Variants in WDR7 observed in about 807,000 individuals in gnomAD.
The protein encoded by WDR7 is WD repeat domain 7.
Under a neutral mutation model 169.4 loss-of-function variants are expected in WDR7, and 46 were observed. The ratio of observed to expected loss-of-function variants is 0.27; its 90% CI spans 0.21 to 0.35. The LOEUF (loss-of-function observed/expected upper bound fraction) is 0.35, where lower values mean the gene tolerates loss of function less well. WDR7 is among the 10% of genes least tolerant of loss of function. The pLI is 1.00. For synonymous variants in WDR7, 612 were observed against 666.8 expected, an observed-to-expected ratio of 0.92 and a Z score of 1.27; for missense variants, 1,534 against 1,859.3, an observed-to-expected ratio of 0.83 and a Z score of 3.22.
At chr18:56,767,258 C>T (rs967247517) in intron 16 of WDR7, among the ~76,000 whole-genome samples, 3 of 152,188 alleles carry the variant, frequency 2.0e-5, no homozygotes, top group Non-Finnish European at 4.4e-5. Context: ...TCTTTACAGA[C>T]ATGTACTGAT....
chr18:56,797,979 A>G (rs887356423), intron 19 of WDR7, among the ~76,000 whole-genome samples: 5 of 152,094 alleles, frequency 3.3e-5, no homozygotes, highest in African/African-American at 1.2e-4. Flanking sequence ...TTCCATCACT[A>G]CCATCACTTT....
chr18:56,679,835 T>C (rs1276398909), intron 3 of WDR7, among the ~76,000 whole-genome samples: 1 of 152,224 alleles, frequency 6.6e-6, no homozygotes, highest in Non-Finnish European at 1.5e-5. Context: ...TTCATAACGT[T>C]ATATTGATAT....
chr18:56,824,776 T>C (rs1017992090), intron 20 of WDR7, among the ~76,000 whole-genome samples: 9 of 152,242 alleles, frequency 5.9e-5, no homozygotes, highest in Non-Finnish European at 1.3e-4. Flanking sequence ...ATTGTTTCTG[T>C]TTAAAAGTTT....
chr18:56,967,525 T>G (rs2047427258), intron 26 of WDR7, among the ~76,000 whole-genome samples: 1 of 152,260 alleles, frequency 6.6e-6, no homozygotes, highest in South Asian at 2.1e-4. Flanking sequence ...TGTGTTTGGT[T>G]AAGTCAGCAA....
At chr18:56,976,102 G>A (rs1005472601) in intron 26 of WDR7, among the ~76,000 whole-genome samples, 1 of 152,170 alleles carries the variant, frequency 6.6e-6, no homozygotes, top group Admixed American at 6.5e-5. Context: ...GTTTGCTCCT[G>A]GAGGCTTTGG....
chr18:56,992,979 T>TGA (rs2047839665), intron 26 of WDR7, among the ~76,000 whole-genome samples: 1 of 152,208 alleles, frequency 6.6e-6, no homozygotes, highest in African/African-American at 2.4e-5. Flanking sequence ...AACTACAAGC[T>TGA]GACTCACTGC....
At chr18:56,762,156 G>T (rs904509026) in intron 16 of WDR7, among the ~76,000 whole-genome samples, 2 of 151,818 alleles carry the variant, frequency 1.3e-5, no homozygotes, top group African/African-American at 2.4e-5. Flanking sequence ...ACCCAATCTT[G>T]CATCCTAGAA....
downstream of WDR7, chr18:57,034,545 C>T (rs2048456860): frequency 6.6e-6 from 1 of 152,158 alleles, no homozygotes; most frequent in African/African-American, 2.4e-5. Flanking sequence ...CATCACTGGT[C>T]GTGGGCCCTC....
rs78535014 is a variant in WDR7, at chr18:56,976,070, C to T, written c.4164+13541C>T. Reference sequence around the variant, plus strand: ...TGGAAGGTCGGTGTGCTGTCCACACCGTTGAGGTTGAATTGAAGAAGGTTT... The same window carrying T: ...TGGAAGGTCGGTGTGCTGTCCACACTGTTGAGGTTGAATTGAAGAAGGTTT... On this transcript the variant is annotated intron_variant, in intron 26 of 27. Coordinates refer to ENST00000254442, the MANE Select transcript of WDR7 (RefSeq NM_015285.3). Among the ~76,000 whole-genome samples, 669 of 152,078 alleles carry T rather than the reference C, an allele frequency of 4.4e-3. 12 individuals carry two copies. Among genetic ancestry groups the T allele is most frequent in the African/African-American group, 0.015 (635 of 41,416 alleles).
intron 20 of WDR7, among the ~76,000 whole-genome samples, chr18:56,840,688 G>A (rs546830929): frequency 5.2e-4 from 79 of 151,688 alleles, no homozygotes; most frequent in African/African-American, 1.7e-3. Flanking sequence ...TGGTAGTGGC[G>A]TGTGCTGGTA....
At chr18:57,022,097 C>T (rs2048300802) in intron 27 of WDR7, among the ~76,000 whole-genome samples, 1 of 152,188 alleles carries the variant, frequency 6.6e-6, no homozygotes, top group South Asian at 2.1e-4. Context: ...TCACCCAGCC[C>T]TCATTTTCCC....
At chr18:57,032,797 T>C (rs1359537859), downstream of WDR7, 1 of 97,474 alleles carries the variant, frequency 1.0e-5, no homozygotes, top group African/African-American at 3.7e-5. Context: ...GTTGTATAAT[T>C]ATTTTATATA....
intron 5 of WDR7, among the ~76,000 whole-genome samples, chr18:56,685,182 A>T (rs376533234): frequency 6.6e-6 from 1 of 152,294 alleles, no homozygotes; most frequent in African/African-American, 2.4e-5. Flanking sequence ...ACTCAACTTT[A>T]TTGAGAATTT....
chr18:56,692,026 T>G (rs1329701046), intron 9 of WDR7, among the ~76,000 whole-genome samples: 1 of 152,230 alleles, frequency 6.6e-6, no homozygotes, highest in East Asian at 1.9e-4. Context: ...AACATTCGTT[T>G]TTCTAAGAGT....
intron 12 of WDR7, among the ~76,000 whole-genome samples, chr18:56,717,413 G>A (rs1278353691): frequency 2.0e-5 from 3 of 152,178 alleles, no homozygotes; most frequent in Non-Finnish European, 4.4e-5. Context: ...TGACATTATA[G>A]ATAGAAACCA....
rs1012559237 is a variant in WDR7 at position 56,914,649 on chromosome 18, A to AT, written c.3527-9265dup. On this transcript the variant is annotated intron_variant, in intron 21 of 27. Coordinates refer to ENST00000254442, the MANE Select transcript of WDR7 (RefSeq NM_015285.3). The stretch of plus-strand genomic sequence containing the variant: ...AATTAAAGATTCAGTAGGTTAATGG[A>AT]TTTTTTTTAACACCTCTTTGACCAC... Among the ~76,000 whole-genome samples the AT allele has an allele frequency of 9.9e-5, 15 of 152,146 alleles. No individual in the cohort carries two copies. In the South Asian group the frequency reaches 1.5e-3, roughly 15 times the overall value.
At chr18:57,012,420 A>G (rs1341491656) in intron 26 of WDR7, among the ~76,000 whole-genome samples, 2 of 151,532 alleles carry the variant, frequency 1.3e-5, no homozygotes, top group Non-Finnish European at 2.9e-5. Context: ...TGTGGAAGCC[A>G]CCTCCATGCC....
chr18:56,733,035 C>T (rs998831487), intron 14 of WDR7, among the ~76,000 whole-genome samples: 2 of 151,990 alleles, frequency 1.3e-5, no homozygotes, highest in Admixed American at 6.6e-5. Context: ...TGTAAGTGGT[C>T]GTGGTCCATT....
At chr18:56,909,340 T>G (rs1323001810) in intron 21 of WDR7, among the ~76,000 whole-genome samples, 1 of 152,092 alleles carries the variant, frequency 6.6e-6, no homozygotes, top group Non-Finnish European at 1.5e-5. Context: ...CTTTTAAAAA[T>G]TATACTCCCT....
Sources: gnomAD v4.1 joint callset for allele counts (sites outside exome capture counted in the v4.1 genomes callset) on GRCh38, gnomAD v4.1.1 for gene constraint, MANE v1.5 for transcripts, NCBI Gene and HGNC (gene_info 2026-07-23, HGNC 2026-07-21) for gene names.